The following EQTN variants were observed in gnomAD, a reference collection of about 807,000 sequenced individuals.
The protein encoded by EQTN is Acrosome formation associated factor.
In EQTN, 29 loss-of-function variants were observed where a neutral mutation model predicts 26.9. The ratio of observed to expected loss-of-function variants is 1.08; its 90% CI spans 0.80 to 1.47. EQTN has a LOEUF of 1.47. EQTN is among the 40% of genes most tolerant of loss of function. EQTN has a pLI of 0.00. For synonymous variants in EQTN, 129 were observed against 120.0 expected (o/e 1.07, Z -0.49); for missense variants, 391 against 346.1 (o/e 1.13, Z -1.03).
At chr9:27,285,405 G>C (rs916753925) in intron 7 of EQTN, among the ~76,000 whole-genome samples, 1 of 152,080 alleles carries the variant, frequency 6.6e-6, no homozygotes, top group Admixed American at 6.6e-5. Flanking sequence ...GCCTCCCAAA[G>C]TTCTGGGATT....
intron 3 of EQTN, 52 bp downstream of exon 3, chr9:27,294,264 A>G: frequency 6.8e-6 from 9 of 1,327,854 alleles, no homozygotes; most frequent in Non-Finnish European, 9.7e-6. Flanking sequence ...TGCTGTTTTG[A>G]AATCCTGCTT....
intron 7 of EQTN, among the ~76,000 whole-genome samples, chr9:27,285,662 A>G (rs1211680169): frequency 1.3e-5 from 2 of 152,226 alleles, no homozygotes; most frequent in Non-Finnish European, 2.9e-5. Context: ...CAGCACAATG[A>G]AAAGAATGGA....
chr9:27,292,528 T>C (rs1193920015), intron 3 of EQTN, 41 bp from the exon 4 acceptor site: 2 of 1,200,156 alleles, frequency 1.7e-6, no homozygotes, highest in South Asian at 1.3e-5. Flanking sequence ...GTAAAAATAC[T>C]GACGAAACAT....
At position 27,291,055 on chromosome 9, in the gene EQTN, G is replaced by A. The variant is rs769075639; in HGVS notation, c.385C>T (p.Pro129Ser). ...ATTGTCCAAAATGCAGGCACGTTTG[G>A]GGTTGATCCTGTTAAAACAAAACAA... is the stretch of plus-strand genomic sequence containing the variant. Reference protein sequence around the residue: ...PSHKNIQRSTPNVPAFWTMLA... With the variant: ...PSHKNIQRSTSNVPAFWTMLA... The change falls in exon 5 of 8, where the codon CCA becomes TCA. Residue 129 changes from proline to serine, a missense_variant. By Grantham distance (74) the Pro-to-Ser change is moderately conservative (BLOSUM62 -1). Transcript: ENST00000380032. 3 of 1,610,668 alleles carry A rather than the reference G, an allele frequency of 1.9e-6. No individual in the cohort carries two copies. The highest frequency in any genetic ancestry group is 2.5e-6 in the Non-Finnish European group (3 of 1,178,648).
chr9:27,287,884 A>T (rs1026779060), intron 6 of EQTN, among the ~76,000 whole-genome samples: 2 of 152,068 alleles, frequency 1.3e-5, no homozygotes, highest in African/African-American at 4.8e-5. Flanking sequence ...GCTCACTGCA[A>T]CCTCTGCCTC....
intron 4 of EQTN, among the ~76,000 whole-genome samples, chr9:27,291,857 A>G (rs1287247188): frequency 1.3e-5 from 2 of 152,174 alleles, no homozygotes. Context: ...TAGGCCGCTT[A>G]TTCAAGACCT....
At chr9:27,292,303 G>C in intron 4 of EQTN, 98 bp downstream of exon 4, 1 of 658,428 alleles carries the variant, frequency 1.5e-6, no homozygotes. Context: ...CTTTAAGCAT[G>C]CTATGGCTTT....
intron 2 of EQTN, among the ~76,000 whole-genome samples, chr9:27,295,859 G>GAAA (rs1563833686): frequency 1.9e-4 from 24 of 128,406 alleles, no homozygotes; most frequent in African/African-American, 6.0e-4. Context: ...AAAAAACAAC[G>GAAA]ATAAAATTAC....
At chr9:27,286,132 GA>G (rs1193627018) in intron 7 of EQTN, 76 bp downstream of exon 7, 1 of 1,410,840 alleles carries the variant, frequency 7.1e-7, no homozygotes, top group Non-Finnish European at 9.8e-7. Flanking sequence ...ATATTCCTAA[GA>G]ATCTACTAAA....
chr9:27,294,464 TC>T (rs1172628136), intron 2 of EQTN, 62 bp from the exon 3 acceptor site: 1 of 981,498 alleles, frequency 1.0e-6, no homozygotes, highest in African/African-American at 1.6e-5. Context: ...TTTACCTTTT[TC>T]TTCCTCTGAG....
chr9:27,293,956 A>C (rs191325438), intron 3 of EQTN, among the ~76,000 whole-genome samples: 5 of 152,366 alleles, frequency 3.3e-5, no homozygotes, highest in Admixed American at 6.5e-5. Flanking sequence ...AGGCAAAAAA[A>C]CGTGGGTTTA....
In EQTN at chr9:27,286,228, A is replaced by G. The variant is rs768722621; in HGVS notation, c.616T>C (p.Tyr206His). 4.3e-6 allele frequency: 7 copies of G among 1,613,884 alleles called. No individual in the cohort carries two copies. In the African/African-American group the frequency reaches 6.7e-5, roughly 15 times the overall value. ...ACTTACCTCAGATGCCTCAGTTTGT[A>G]CAGTGTAGCACTACAGAATGCCAAG... Reference protein sequence around the residue: ...VLLAFCSATLYKLRHLSYKSC... With the variant: ...VLLAFCSATLHKLRHLSYKSC... Residue 206 changes from tyrosine to histidine, a missense_variant, in exon 7 of 8, where the codon TAC becomes CAC. Tyr to His is a moderately conservative substitution (Grantham distance 83). Transcript: ENST00000380032.
chr9:27,286,548 C>A (rs1563830661), intron 6 of EQTN, among the ~76,000 whole-genome samples, 186 bp from the exon 7 acceptor site: 1 of 152,188 alleles, frequency 6.6e-6, no homozygotes, highest in Non-Finnish European at 1.5e-5. Flanking sequence ...TATTAACTTG[C>A]CTCTTTAACC....
chr9:27,296,654 G>A lies in EQTN; in HGVS notation c.161C>T (p.Ala54Val), dbSNP rs1356560977. The A allele has an allele frequency of 6.3e-7, 1 of 1,582,796 alleles. No homozygotes were observed. Among genetic ancestry groups the A allele is most frequent in the Non-Finnish European group, 8.7e-7 (1 of 1,155,046 alleles). Residue 54 changes from alanine (A) to valine (V), a missense_variant, in exon 2 of 8, where the codon GCT (alanine) becomes GTT (valine). Ala to Val is a moderately conservative substitution (Grantham distance 64). Transcript: ENST00000380032. ...NEDHTPNYAP[A>V]NEKNGNYYKD... ...ATAATAATTGCCATTTTTCTCATTA[G>A]CAGGAGCATAATTGGGAGTATGATC... is the stretch of plus-strand genomic sequence containing the variant.
intron 3 of EQTN, among the ~76,000 whole-genome samples, chr9:27,292,717 T>C (rs1468387521): frequency 6.6e-6 from 1 of 152,138 alleles, no homozygotes; most frequent in Non-Finnish European, 1.5e-5. Flanking sequence ...AACATGACTA[T>C]AATTTGTGAA....
At chr9:27,292,372 G>T (rs774784847) in intron 4 of EQTN, 29 bp downstream of exon 4, 114 of 1,409,678 alleles carry the variant, frequency 8.1e-5, no homozygotes, top group Non-Finnish European at 1.1e-4. Context: ...TATTCTCCAG[G>T]TATGAATACA....
Position 27,294,392 on chromosome 9 carries a change from T to G in EQTN, c.213A>C (p.Thr71=), listed in dbSNP as rs1207072406. The G allele has an allele frequency of 6.3e-7, 1 of 1,596,974 alleles. No individual in the cohort carries two copies. The highest frequency in any genetic ancestry group is 1.7e-5 in the Admixed American group (1 of 59,590). Residue 71 remains threonine, a synonymous_variant, in exon 3 of 8, where the codon ACA becomes ACC. Transcript: ENST00000380032. ...ACTCAGTGCCATTTGGATTTTGTGTTGTGAACACATCTAAAAACAAAAGCG... is the reference window on the plus strand; with the variant it reads ...ACTCAGTGCCATTTGGATTTTGTGTGGTGAACACATCTAAAAACAAAAGCG... ...YYKDIKQYVF[T]TQNPNGTESE... is the part of the protein sequence containing the mutation.
In EQTN at chr9:27,296,628, T is replaced by C. The variant is rs1305755231; in HGVS notation, c.187A>G (p.Lys63Glu). ...PANEKNGNYYKDIKQYVFTTQ... is the reference protein window; with the variant it reads ...PANEKNGNYYEDIKQYVFTTQ... ...AAAGACTTACATTGTTTTATATCTT[T>C]ATAATAATTGCCATTTTTCTCATTA... Residue 63 changes from lysine to glutamate, a missense_variant, in exon 2 of 8, where the codon AAA becomes GAA. Physicochemically the swap from Lys to Glu is moderately conservative, Grantham distance 56. Transcript: ENST00000380032. The C allele has an allele frequency of 1.3e-6, 2 of 1,537,340 alleles. No homozygotes were observed. The highest frequency in any genetic ancestry group is 1.8e-6 in the Non-Finnish European group (2 of 1,115,704).
chr9:27,287,627 A>G (rs149284845), intron 6 of EQTN, among the ~76,000 whole-genome samples: 2 of 152,358 alleles, frequency 1.3e-5, no homozygotes, highest in African/African-American at 2.4e-5. Flanking sequence ...ATAATAATGT[A>G]TCTACAACAC....
Sources: allele counts gnomAD v4.1 joint callset (sites outside exome capture counted in the v4.1 genomes callset), GRCh38; gene constraint gnomAD v4.1.1; transcripts MANE v1.5; gene names NCBI Gene and HGNC (gene_info 2026-07-23, HGNC 2026-07-21).